The following EPS15 variants were observed in gnomAD, a reference collection of about 807,000 sequenced individuals.
The protein encoded by EPS15 is epidermal growth factor receptor pathway substrate 15.
EPS15 carries 72 observed loss-of-function variants against 113.8 expected under a neutral mutation model. The ratio of observed to expected loss-of-function variants is 0.63; its 90% CI spans 0.52 to 0.77. The LOEUF is 0.77. EPS15 is among the 30% of genes least tolerant of loss of function. The pLI, the probability that EPS15 is intolerant of heterozygous loss-of-function variation, is 0.00. For synonymous variants in EPS15, 344 were observed against 363.4 expected, an observed-to-expected ratio of 0.95 and a Z score of 0.61; for missense variants, 1,048 against 1,045.8, an observed-to-expected ratio of 1.00 and a Z score of -0.03.
intron 12 of EPS15, among the ~76,000 whole-genome samples, chr1:51,431,538 C>G (rs538054041): frequency 6.6e-6 from 1 of 151,862 alleles, no homozygotes; most frequent in Non-Finnish European, 1.5e-5. Context: ...CTCTGCCTCC[C>G]GGGTTCAAGC....
intron 1 of EPS15, among the ~76,000 whole-genome samples, chr1:51,508,231 AAGAAAAGAAAGAG>A (rs1644536739): frequency 8.8e-6 from 1 of 113,554 alleles, no homozygotes; most frequent in African/African-American, 3.6e-5. Flanking sequence ...AAGAAAAGAA[AAGAAAAGAAAGAG>A]AGAAAGAGAG....
intron 12 of EPS15, among the ~76,000 whole-genome samples, chr1:51,429,199 A>G (rs1397567510): frequency 1.3e-5 from 2 of 152,156 alleles, no homozygotes; most frequent in African/African-American, 4.8e-5. Flanking sequence ...GGACTGAAGT[A>G]AGTTGATATC....
chr1:51,383,163 T>C (rs1346670822), intron 21 of EPS15, among the ~76,000 whole-genome samples: 3 of 152,142 alleles, frequency 2.0e-5, no homozygotes, highest in African/African-American at 4.8e-5. Context: ...AAAAAAGTAT[T>C]TGACAGAATT....
chr1:51,471,422 T>C (rs1655228682), intron 4 of EPS15, among the ~76,000 whole-genome samples: 1 of 152,176 alleles, frequency 6.6e-6, no homozygotes, highest in South Asian at 2.1e-4. Context: ...TATAACCCTA[T>C]GTAACTAGGA....
chr1:51,392,346 G>C (rs1378554007), intron 21 of EPS15, among the ~76,000 whole-genome samples: 2 of 152,146 alleles, frequency 1.3e-5, no homozygotes, highest in Non-Finnish European at 2.9e-5. Flanking sequence ...TGATTAGCAT[G>C]TTGACTGCTG....
At chr1:51,470,395 A>G (rs1018178417) in intron 4 of EPS15, among the ~76,000 whole-genome samples, 1 of 152,300 alleles carries the variant, frequency 6.6e-6, no homozygotes, top group East Asian at 1.9e-4. Flanking sequence ...CTGTAATCCC[A>G]GCACTTTGGG....
intron 1 of EPS15, among the ~76,000 whole-genome samples, chr1:51,517,173 G>A (rs2148574354): frequency 6.6e-6 from 1 of 152,260 alleles, no homozygotes; most frequent in East Asian, 1.9e-4. Context: ...GTGTGCCTTC[G>A]TAATCCCTCT....
At chr1:51,368,663 T>C (rs948273290) in intron 21 of EPS15, among the ~76,000 whole-genome samples, 1 of 151,192 alleles carries the variant, frequency 6.6e-6, no homozygotes, top group African/African-American at 2.4e-5. Context: ...AGTGGCACGA[T>C]CTCGGCTCAC....
At chr1:51,416,413 T>C (rs1293500627) in intron 13 of EPS15, among the ~76,000 whole-genome samples, 1 of 152,098 alleles carries the variant, frequency 6.6e-6, no homozygotes, top group Non-Finnish European at 1.5e-5. Flanking sequence ...TGAACAAAAC[T>C]AGAGCAATAT....
In EPS15 at chr1:51,426,760, C is replaced by G. The variant is rs534726365; in HGVS notation, c.1041-4902G>C. Among the ~76,000 whole-genome samples, 6 of 151,432 alleles carry G rather than the reference C, an allele frequency of 4.0e-5. No homozygotes were observed. The East Asian group carries it at 1.2e-3, about 30-fold the overall frequency. On this transcript the variant is annotated intron_variant, in intron 12 of 24. Coordinates refer to ENST00000371733, the MANE Select transcript of EPS15 (RefSeq NM_001981.3). Reference sequence around the variant, plus strand: ...TGGGTCTCCAGCCTGCCAGCCTGTCCTAGAGATGTCGGACTTGCCAGCTCC... The same window carrying G: ...TGGGTCTCCAGCCTGCCAGCCTGTCGTAGAGATGTCGGACTTGCCAGCTCC...
chr1:51,511,480 G>A (rs901719093), intron 1 of EPS15, among the ~76,000 whole-genome samples: 1 of 152,180 alleles, frequency 6.6e-6, no homozygotes, highest in Non-Finnish European at 1.5e-5. Context: ...GGACGACAGA[G>A]CGAGACTCTC....
At chr1:51,430,977 T>TACACACACACACACACACAC (rs67920039) in intron 12 of EPS15, among the ~76,000 whole-genome samples, 1 of 122,028 alleles carries the variant, frequency 8.2e-6, no homozygotes, top group Non-Finnish European at 1.7e-5. Flanking sequence ...ATTACTTACA[T>TACACACACACACACACACAC]ACACACACAC....
At chr1:51,370,157 A>G (rs1045328667) in intron 21 of EPS15, among the ~76,000 whole-genome samples, 2 of 152,186 alleles carry the variant, frequency 1.3e-5, no homozygotes, top group Non-Finnish European at 1.5e-5. Context: ...CTATCACCTA[A>G]TGACTTCATA....
chr1:51,393,322 G>T (rs1179523274), intron 21 of EPS15, among the ~76,000 whole-genome samples: 1 of 152,158 alleles, frequency 6.6e-6, no homozygotes, highest in Non-Finnish European at 1.5e-5. Context: ...CAATTCTCCT[G>T]CCTCAGCCTC....
intron 21 of EPS15, among the ~76,000 whole-genome samples, chr1:51,379,453 A>G (rs1365437750): frequency 6.6e-6 from 1 of 152,148 alleles, no homozygotes; most frequent in African/African-American, 2.4e-5. Flanking sequence ...TGAATTTCTC[A>G]GCAGAAACCT....
At chr1:51,456,116 T>C (rs1653978195) in intron 8 of EPS15, among the ~76,000 whole-genome samples, 1 of 152,148 alleles carries the variant, frequency 6.6e-6, no homozygotes, top group South Asian at 2.1e-4. Flanking sequence ...TTAACTTCAT[T>C]TATTCTAACT....
At position 51,409,555 on chromosome 1, in the gene EPS15, A is replaced by C. The variant is rs776067707; in HGVS notation, c.1255T>G (p.Cys419Gly). 6.2e-7 allele frequency: 1 copy of C among 1,613,284 alleles called. No individual in the cohort carries two copies. The highest frequency in any genetic ancestry group is 1.7e-5 in the Admixed American group (1 of 59,692). Reference protein sequence around the residue: ...EEQLKEVRKKCAEEAQLISSL... With the variant: ...EEQLKEVRKKGAEEAQLISSL... ...ATTACCAGTTGGGCCTCCTCAGCACATTTCTTTCTGACTTCCTTGAGTTGC... is the reference window on the plus strand; with the variant it reads ...ATTACCAGTTGGGCCTCCTCAGCACCTTTCTTTCTGACTTCCTTGAGTTGC... The change falls in exon 14 of 25, where the codon TGT (cysteine) becomes GGT (glycine). Residue 419 changes from cysteine to glycine, a missense_variant. Physicochemically the swap from Cys to Gly is radical, Grantham distance 159. Transcript: ENST00000371733.
chr1:51,492,310 A>G (rs943325442), intron 1 of EPS15, among the ~76,000 whole-genome samples: 1 of 152,138 alleles, frequency 6.6e-6, no homozygotes, highest in Non-Finnish European at 1.5e-5. Context: ...CTAACATCTC[A>G]TGTTTGTTCC....
intron 13 of EPS15, among the ~76,000 whole-genome samples, chr1:51,419,905 C>G (rs1188610267): frequency 6.6e-6 from 1 of 152,072 alleles, no homozygotes; most frequent in South Asian, 2.1e-4. Flanking sequence ...TAGATGTCAA[C>G]TATCCACATC....
Sources: gnomAD v4.1 joint callset for allele counts (sites outside exome capture counted in the v4.1 genomes callset) on GRCh38, gnomAD v4.1.1 for gene constraint, MANE v1.5 for transcripts, NCBI Gene and HGNC (gene_info 2026-07-23, HGNC 2026-07-21) for gene names.